The following ATAD2B variants were observed in gnomAD, a reference collection of about 807,000 sequenced individuals.
ATAD2B encodes the protein ATPase family AAA domain-containing protein 2B.
In ATAD2B, 40 loss-of-function variants were observed where a neutral mutation model predicts 167.6. The ratio of observed to expected loss-of-function variants is 0.24; its 90% CI spans 0.19 to 0.31. The LOEUF (loss-of-function observed/expected upper bound fraction) is 0.31. Ranked by LOEUF, ATAD2B falls within the 10% of genes least tolerant of loss-of-function variation. The pLI, the probability that ATAD2B is intolerant of heterozygous loss-of-function variation, is 1.00. For missense variants in ATAD2B, 1,242 were observed against 1,757.2 expected (o/e 0.71, Z 5.24); for synonymous variants, 579 against 596.5 (o/e 0.97, Z 0.43).
chr2:23,788,952 G>T (rs550521147), intron 19 of ATAD2B, among the ~76,000 whole-genome samples: 4 of 151,986 alleles, frequency 2.6e-5, no homozygotes, highest in African/African-American at 4.8e-5. Flanking sequence ...AATCTCAAAG[G>T]CTTTTACATT....
the ATAD2B span, among the ~76,000 whole-genome samples, chr2:23,700,795 C>T: frequency 3.0e-4 from 45 of 152,306 alleles, no homozygotes; most frequent in Non-Finnish European, 5.4e-4. The surrounding 1 kb of genome is among the most constrained non-coding windows in gnomAD (Gnocchi z 4.6). Context: ...CAGTGGCCTG[C>T]TGGAGATTCC....
At chr2:23,877,464 A>C (rs1440612233) in intron 7 of ATAD2B, among the ~76,000 whole-genome samples, 4 of 142,342 alleles carry the variant, frequency 2.8e-5, no homozygotes, top group African/African-American at 5.2e-5. Flanking sequence ...ACTGCACTCC[A>C]GCCTAGGTGA....
rs1338726484 is a variant in ATAD2B, at chr2:23,926,681, C to T, written c.90G>A (p.Gly30=). The T allele has an allele frequency of 4.5e-6, 7 of 1,554,308 alleles. No individual in the cohort carries two copies. The highest frequency in any genetic ancestry group is 2.7e-5 in the African/African-American group (2 of 73,266). The change falls in exon 1 of 28, where the codon GGG becomes GGA. Residue 30 remains glycine (G), a synonymous_variant. Coordinates refer to ENST00000238789, the MANE Select transcript of ATAD2B (RefSeq NM_017552.4). Reference sequence around the variant, plus strand: ...TGAAATGGCTGCTGCCTCCGGTCGCCCCAGGCTCTGCTCCGGCCCCAGGCC... The same window carrying T: ...TGAAATGGCTGCTGCCTCCGGTCGCTCCAGGCTCTGCTCCGGCCCCAGGCC... ...GPGPGAGAEP[G]ATGGSSHFIS...
chr2:23,891,653 T>C (rs1338819297), intron 2 of ATAD2B, among the ~76,000 whole-genome samples: 1 of 151,622 alleles, frequency 6.6e-6, no homozygotes, highest in Non-Finnish European at 1.5e-5. Context: ...CACACCTGGC[T>C]AATTTTTGTA....
downstream of ATAD2B, among the ~76,000 whole-genome samples, chr2:23,745,123 C>T (rs966771275): frequency 1.3e-5 from 2 of 151,902 alleles, no homozygotes; most frequent in Admixed American, 6.6e-5. Context: ...CCCGTCCCTA[C>T]AAAAAGTACA....
At chr2:23,869,849 A>G in intron 8 of ATAD2B, 88 bp from the exon 9 acceptor site, 1 of 805,204 alleles carries the variant, frequency 1.2e-6, no homozygotes, top group South Asian at 1.8e-5. Context: ...TAGCTCAGAG[A>G]AAATTCATTC....
At chr2:23,781,576 A>G (rs930529573) in intron 22 of ATAD2B, among the ~76,000 whole-genome samples, 12 of 151,898 alleles carry the variant, frequency 7.9e-5, no homozygotes, top group African/African-American at 2.9e-4. Context: ...GAGCCAGGAG[A>G]ATCACTTGAA....
intron 1 of ATAD2B, among the ~76,000 whole-genome samples, chr2:23,923,417 C>T (rs1333255827): frequency 6.6e-6 from 1 of 152,034 alleles, no homozygotes; most frequent in Non-Finnish European, 1.5e-5. Flanking sequence ...TAGCATAGTG[C>T]CTACATCTAA....
intron 22 of ATAD2B, among the ~76,000 whole-genome samples, chr2:23,767,139 T>TACCCTGACTCATTCCAATTACCTGCTCC (rs1196050278): frequency 6.6e-6 from 1 of 151,104 alleles, no homozygotes; most frequent in African/African-American, 2.4e-5. Context: ...TTACCTGCTC[T>TACCCTGACTCATTCCAATTACCTGCTCC]ACCCTGACTC....
At chr2:23,914,144 A>C (rs1702690280) in intron 1 of ATAD2B, among the ~76,000 whole-genome samples, 1 of 152,236 alleles carries the variant, frequency 6.6e-6, no homozygotes, top group African/African-American at 2.4e-5. Context: ...AAACAGACCA[A>C]CAGAAAAGAA....
chr2:23,888,676 A>G (rs1168490293), intron 2 of ATAD2B, among the ~76,000 whole-genome samples: 1 of 152,194 alleles, frequency 6.6e-6, no homozygotes, highest in Non-Finnish European at 1.5e-5. Context: ...GCTTAAGCTT[A>G]ATATATACCA....
rs1203975899 is a variant in ATAD2B, at chr2:23,885,708, C to G, written c.675+19G>C. On this transcript the variant is annotated intron_variant, in intron 5 of 27. Coordinates refer to ENST00000238789, the MANE Select transcript of ATAD2B (RefSeq NM_017552.4). The stretch of plus-strand genomic sequence containing the variant: ...AAATGAAAAATATTTACAAAGATTG[C>G]TACAGCTAATATACTCACAAATTCT... The G allele has an allele frequency of 7.2e-7, 1 of 1,394,706 alleles. No individual in the cohort carries two copies. Among genetic ancestry groups the G allele is most frequent in the Non-Finnish European group, 9.9e-7 (1 of 1,008,850 alleles). 86.4% of individuals were successfully genotyped at this position (1,394,706 alleles called of 1,614,324 possible).
the ATAD2B span, among the ~76,000 whole-genome samples, chr2:23,737,175 C>T: frequency 6.6e-6 from 1 of 152,238 alleles, no homozygotes; most frequent in South Asian, 2.1e-4. Context: ...TTAAATGTCC[C>T]TCTTTGACAC....
chr2:23,829,164 A>G (rs924977983), intron 14 of ATAD2B, among the ~76,000 whole-genome samples: 4 of 152,228 alleles, frequency 2.6e-5, no homozygotes, highest in African/African-American at 7.2e-5. Flanking sequence ...TGTGTTCACA[A>G]CCTAAGACAT....
At chr2:23,693,550 G>C in the ATAD2B span, 26 of 1,537,104 alleles carry the variant, frequency 1.7e-5, no homozygotes, top group Admixed American at 7.9e-5. Flanking sequence ...CCTGTCCCCC[G>C]CCCCTTCTCT....
chr2:23,850,200 A>G (rs1692351992), intron 13 of ATAD2B, among the ~76,000 whole-genome samples: 2 of 152,104 alleles, frequency 1.3e-5, no homozygotes, highest in African/African-American at 4.8e-5. Flanking sequence ...ATAAAACTAA[A>G]TTAGAAGTAA....
the ATAD2B span, among the ~76,000 whole-genome samples, chr2:23,733,174 T>G: frequency 6.6e-6 from 1 of 152,186 alleles, no homozygotes; most frequent in Non-Finnish European, 1.5e-5. Context: ...TCCTAAACCC[T>G]GTGTCCCTGT....
At chr2:23,682,823 A>G in the ATAD2B span, among the ~76,000 whole-genome samples, 34 of 152,048 alleles carry the variant, frequency 2.2e-4, no homozygotes, top group African/African-American at 8.2e-4. The surrounding 1 kb of genome is among the most constrained non-coding windows in gnomAD (Gnocchi z 4.1). Context: ...CCCCTTCCGC[A>G]CCCCTGGAGA....
intron 9 of ATAD2B, among the ~76,000 whole-genome samples, chr2:23,869,157 T>C (rs986690911): frequency 6.6e-6 from 1 of 152,216 alleles, no homozygotes; most frequent in Non-Finnish European, 1.5e-5. Flanking sequence ...TCTGAGGTTT[T>C]AGTGAGCCCA....
Sources: gnomAD v4.1 joint callset for allele counts (sites outside exome capture counted in the v4.1 genomes callset) on GRCh38, gnomAD v4.1.1 for gene constraint, Gnocchi (gnomAD v3.1) non-coding constraint, MANE v1.5 for transcripts, NCBI Gene and HGNC (gene_info 2026-07-23, HGNC 2026-07-21) for gene names.